Variants in MS4A14 observed in about 807,000 individuals in gnomAD.
MS4A14 encodes the protein membrane spanning 4-domains A14, also known as membrane-spanning 4-domains subfamily A member 14.
A neutral mutation model predicts 16.7 loss-of-function variants in MS4A14; 18 were observed. The observed-to-expected ratio is 1.08, with a 90% confidence interval of 0.75 to 1.60. MS4A14 has a LOEUF of 1.60. Ranked by LOEUF, MS4A14 falls within the 40% of genes most tolerant of loss-of-function variation. MS4A14 has a pLI of 0.00. For missense variants in MS4A14, 812 were observed against 775.3 expected (o/e 1.05, Z -0.56); for synonymous variants, 305 against 289.4 (o/e 1.05, Z -0.55).
At chr11:60,407,124 T>C (rs59772410) in intron 4 of MS4A14, among the ~76,000 whole-genome samples, 1,475 of 146,338 alleles carry the variant, frequency 0.01, 30 homozygotes, top group African/African-American at 0.035. Flanking sequence ...AAGCAACCTT[T>C]CCACCTCAGC....
At chr11:60,397,807 G>C in intron 1 of MS4A14, 45 bp from the exon 2 acceptor site, 7 of 1,602,096 alleles carry the variant, frequency 4.4e-6, no homozygotes, top group Non-Finnish European at 6.0e-6. Flanking sequence ...AGCCCACAGG[G>C]TCTTGGATAC....
rs774132973 is a variant in MS4A14, at chr11:60,416,010, T to C, written c.1042T>C (p.Ser348Pro). Residue 348 changes from serine to proline, a missense_variant, in exon 5 of 5, where the codon TCT (serine) becomes CCT (proline). Physicochemically the swap from Ser to Pro is moderately conservative, Grantham distance 74. Transcript: ENST00000300187. ...KSTSSHVKQS[S>P]NLTANDLPPQ... ...TACATCATCCCATGTCAAACAGTCT[T>C]CTAATCTGACAGCTAATGACCTGCC... is the stretch of plus-strand genomic sequence containing the variant. 21 of 1,613,684 alleles carry C rather than the reference T, an allele frequency of 1.3e-5. No homozygotes were observed. Among genetic ancestry groups the C allele is most frequent in the Non-Finnish European group, 1.8e-5 (21 of 1,179,918 alleles).
At chr11:60,404,562 C>A in intron 4 of MS4A14, 1 of 456,976 alleles carries the variant, frequency 2.2e-6, no homozygotes, top group Middle Eastern at 3.3e-4. Context: ...ATCCTTCTCA[C>A]TCCTCCACAC....
At position 60,411,401 on chromosome 11, in the gene MS4A14, CAA is replaced by C. The variant is rs1287053331; in HGVS notation, c.469-4035_469-4034del. On this transcript the variant is annotated intron_variant, in intron 4 of 4. Transcript: ENST00000300187. ...TTTTAAATCTTCTTATACGTGAACACAAGATGTCTTTTCATTTATTTAGGTCT... is the reference window on the plus strand; with the variant it reads ...TTTTAAATCTTCTTATACGTGAACACGATGTCTTTTCATTTATTTAGGTCT... Among the ~76,000 whole-genome samples, 5 of 152,134 alleles carry C rather than the reference CAA, an allele frequency of 3.3e-5. No homozygotes were observed. In the South Asian group the frequency reaches 1.0e-3, roughly 32 times the overall value.
At chr11:60,406,924 TGA>T (rs139706128) in intron 4 of MS4A14, among the ~76,000 whole-genome samples, 9,683 of 152,066 alleles carry the variant, frequency 0.064, 347 homozygotes, top group South Asian at 0.19. Flanking sequence ...AATATGTTTT[TGA>T]GAGTCATCCA....
At chr11:60,401,381 G>A (rs1186279199) in intron 3 of MS4A14, among the ~76,000 whole-genome samples, 1 of 152,172 alleles carries the variant, frequency 6.6e-6, no homozygotes, top group Non-Finnish European at 1.5e-5. Context: ...TGCAGACAAT[G>A]CAGATGAAGC....
At chr11:60,405,811 G>C (rs560564865) in intron 4 of MS4A14, 1 of 1,065,340 alleles carries the variant, frequency 9.4e-7, no homozygotes, top group East Asian at 2.7e-5. Context: ...GTGATAGAGT[G>C]TAAGGGGTTC....
At chr11:60,409,119 A>G (rs1376327515) in intron 4 of MS4A14, among the ~76,000 whole-genome samples, 1 of 152,202 alleles carries the variant, frequency 6.6e-6, no homozygotes, top group Non-Finnish European at 1.5e-5. Flanking sequence ...TACCACATTC[A>G]TCACTTTAAA....
At chr11:60,410,154 C>T (rs1373980242) in intron 4 of MS4A14, among the ~76,000 whole-genome samples, 1 of 152,220 alleles carries the variant, frequency 6.6e-6, no homozygotes, top group Non-Finnish European at 1.5e-5. Flanking sequence ...TCACCACACC[C>T]AGCCTTATAT....
chr11:60,407,055 C>T (rs1463694457), intron 4 of MS4A14, among the ~76,000 whole-genome samples: 1 of 134,658 alleles, frequency 7.4e-6, no homozygotes, highest in African/African-American at 2.8e-5. Flanking sequence ...CACTCTATGA[C>T]CCAGGCTGGA....
intron 4 of MS4A14, among the ~76,000 whole-genome samples, chr11:60,412,028 T>G (rs2085876526): frequency 6.6e-6 from 1 of 152,090 alleles, no homozygotes; most frequent in Non-Finnish European, 1.5e-5. Flanking sequence ...GTGTGGGGGT[T>G]TTCCAACATT....
intron 4 of MS4A14, among the ~76,000 whole-genome samples, chr11:60,409,058 G>T (rs892024353): frequency 2.0e-5 from 3 of 152,166 alleles, no homozygotes; most frequent in African/African-American, 7.2e-5. Flanking sequence ...ATGGGGTACA[G>T]TGTGATGCTT....
intron 4 of MS4A14, among the ~76,000 whole-genome samples, chr11:60,405,290 G>T (rs1199077094): frequency 6.6e-6 from 1 of 152,114 alleles, no homozygotes; most frequent in Non-Finnish European, 1.5e-5. Flanking sequence ...TGTTGGTCAG[G>T]CTGGTCGCAA....
Position 60,415,459 on chromosome 11 carries a change from A to G in MS4A14, c.491A>G (p.Asp164Gly), listed in dbSNP as rs1260722667. The G allele has an allele frequency of 4.3e-6, 7 of 1,610,212 alleles. No individual in the cohort carries two copies. Among genetic ancestry groups the G allele is most frequent in the Non-Finnish European group, 5.9e-6 (7 of 1,178,460 alleles). The change falls in exon 5 of 5, where the codon GAT becomes GGT. Residue 164 changes from aspartate (D) to glycine (G), a missense_variant. Physicochemically the swap from Asp to Gly is moderately conservative, Grantham distance 94. Transcript: ENST00000300187. The stretch of plus-strand genomic sequence containing the variant: ...TAGGTTCTGTTTTTCTTGCCTTCGG[A>G]TGTTACTCAAAATAGTGAACAACCT... ...LFIVLFFLPSDVTQNSEQPAP... is the reference protein window; with the variant it reads ...LFIVLFFLPSGVTQNSEQPAP...
intron 2 of MS4A14, among the ~76,000 whole-genome samples, chr11:60,398,642 G>A (rs563095414): frequency 1.3e-4 from 20 of 152,258 alleles, no homozygotes; most frequent in Middle Eastern, 6.8e-3. Flanking sequence ...AATCATGCTT[G>A]AGGCATAGTG....
intron 3 of MS4A14, among the ~76,000 whole-genome samples, chr11:60,401,353 C>T (rs1418218382): frequency 6.6e-6 from 1 of 152,188 alleles, no homozygotes; most frequent in African/African-American, 2.4e-5. Flanking sequence ...TGTTTCCATC[C>T]CTGCTTATGG....
chr11:60,404,474 A>G, intron 4 of MS4A14: 1 of 447,602 alleles, frequency 2.2e-6, no homozygotes, highest in Non-Finnish European at 4.5e-6. Context: ...TATGATGATT[A>G]AGACCCAAAT....
chr11:60,412,511 G>T (rs1393874768), intron 4 of MS4A14, among the ~76,000 whole-genome samples: 1 of 151,604 alleles, frequency 6.6e-6, no homozygotes, highest in Non-Finnish European at 1.5e-5. Flanking sequence ...TGATTTCTTG[G>T]CATATAAGTT....
intron 3 of MS4A14, 29 bp from the exon 4 acceptor site, chr11:60,402,883 T>A (rs748412728): frequency 2.5e-5 from 40 of 1,597,938 alleles, no homozygotes; most frequent in Admixed American, 5.2e-5. Context: ...CGATCTTATT[T>A]ATTTTATCAT....
Sources: gnomAD v4.1 joint callset for allele counts (sites outside exome capture counted in the v4.1 genomes callset) on GRCh38, gnomAD v4.1.1 for gene constraint, MANE v1.5 for transcripts, NCBI Gene and HGNC (gene_info 2026-07-23, HGNC 2026-07-21) for gene names.